The following XPR1 variants were observed in gnomAD, a reference collection of about 807,000 sequenced individuals.
The protein encoded by XPR1 is solute carrier family 53 member 1.
A neutral mutation model predicts 87.5 loss-of-function variants in XPR1; 28 were observed. That is an observed-to-expected ratio of 0.32 (90% CI 0.24 to 0.44). The LOEUF is 0.44. Among genes scored for constraint, XPR1 ranks in the 20% least tolerant of loss-of-function variants. The pLI is 1.00. For synonymous variants in XPR1, 300 were observed against 306.1 expected (o/e 0.98, Z 0.21); for missense variants, 559 against 862.3 (o/e 0.65, Z 4.41).
Position 180,883,906 on chromosome 1 carries a change from A to G in XPR1, c.2031-100A>G, listed in dbSNP as rs80188418. The G allele has an allele frequency of 1.8e-5, 18 of 1,012,642 alleles. No individual in the cohort carries two copies. The East Asian group carries it at 2.5e-4, about 14-fold the overall frequency. 62.7% of individuals were successfully genotyped at this position (1,012,642 alleles called of 1,614,324 possible). ...AGCAGATAGTCCCTGTTTAGGATGT[A>G]TGTTTAATGATGGTAAGACTGGAAA... On this transcript the variant is annotated intron_variant, in intron 14 of 14. Transcript: ENST00000367590.
intron 2 of XPR1, among the ~76,000 whole-genome samples, chr1:180,737,340 A>G (rs1438741506): frequency 1.3e-5 from 2 of 152,210 alleles, no homozygotes; most frequent in South Asian, 2.1e-4. Context: ...AATTCAGGCT[A>G]TGTATACCTA....
At chr1:180,791,023 TAAA>T (rs148597421) in intron 3 of XPR1, among the ~76,000 whole-genome samples, 35 of 152,122 alleles carry the variant, frequency 2.3e-4, no homozygotes, top group African/African-American at 7.7e-4. Context: ...AGGAGGAAAC[TAAA>T]AGAGGAGGGC....
intron 2 of XPR1, among the ~76,000 whole-genome samples, chr1:180,703,463 C>G (rs187541785): frequency 6.6e-6 from 1 of 152,172 alleles, no homozygotes; most frequent in East Asian, 1.9e-4. Flanking sequence ...AGATGATGTG[C>G]GCAGGTGTTG....
At chr1:180,804,838 G>A (rs967664309) in intron 4 of XPR1, among the ~76,000 whole-genome samples, 3 of 151,834 alleles carry the variant, frequency 2.0e-5, no homozygotes, top group Non-Finnish European at 2.9e-5. Flanking sequence ...TTTGTTCATC[G>A]CTTTATAATT....
At chr1:180,780,026 T>C (rs1049391241) in intron 2 of XPR1, among the ~76,000 whole-genome samples, 19 of 152,228 alleles carry the variant, frequency 1.2e-4, no homozygotes, top group African/African-American at 4.6e-4. Context: ...GTGGCTGAAT[T>C]ATATTCAATT....
intron 2 of XPR1, among the ~76,000 whole-genome samples, chr1:180,740,720 A>G (rs1333468452): frequency 6.6e-6 from 1 of 152,202 alleles, no homozygotes; most frequent in African/African-American, 2.4e-5. Flanking sequence ...TTGGACTGCT[A>G]TGACAGAATG....
At chr1:180,790,817 A>G (rs867546980) in intron 3 of XPR1, among the ~76,000 whole-genome samples, 1 of 152,324 alleles carries the variant, frequency 6.6e-6, no homozygotes, top group South Asian at 2.1e-4. Context: ...CTGGGATTGC[A>G]GGTGTGAGCC....
At chr1:180,860,549 A>G (rs1652184751) in intron 11 of XPR1, among the ~76,000 whole-genome samples, 1 of 152,200 alleles carries the variant, frequency 6.6e-6, no homozygotes. Flanking sequence ...GATACATGCA[A>G]CAACATGGAT....
chr1:180,784,054 T>A (rs60457140), intron 2 of XPR1, among the ~76,000 whole-genome samples: 19 of 150,736 alleles, frequency 1.3e-4, no homozygotes, highest in African/African-American at 4.6e-4. Context: ...GACTCTGTCT[T>A]AAAAAAAAAC....
chr1:180,800,552 G>C (rs1054555226), intron 3 of XPR1, among the ~76,000 whole-genome samples: 1 of 152,234 alleles, frequency 6.6e-6, no homozygotes, highest in Admixed American at 6.5e-5. Flanking sequence ...AGGAGAGCCT[G>C]ACAGAGAACC....
At chr1:180,747,466 T>A (rs747755350) in intron 2 of XPR1, among the ~76,000 whole-genome samples, 4 of 152,222 alleles carry the variant, frequency 2.6e-5, no homozygotes, top group Non-Finnish European at 4.4e-5. Flanking sequence ...TGTTTGTAAT[T>A]TGCCTTGTTA....
Position 180,873,933 on chromosome 1 carries a change from A to T in XPR1, c.1799A>T (p.Glu600Val). 1 of 1,612,854 alleles carries T rather than the reference A, an allele frequency of 6.2e-7. No homozygotes were observed. The highest frequency in any genetic ancestry group is 8.5e-7 in the Non-Finnish European group (1 of 1,179,630). Residue 600 changes from glutamate (E) to valine (V), a missense_variant, in exon 13 of 15, where the codon GAG (glutamate) becomes GTG (valine). By Grantham distance (121) the Glu-to-Val change is moderately radical. Transcript: ENST00000367590. ...ATTGCTACTGTCTTTGCCCCACTTG[A>T]GGTTTTCCGGTAAGCAAACTACTGA... ...DIIATVFAPLEVFRRFVWNFF... is the reference protein window; with the variant it reads ...DIIATVFAPLVVFRRFVWNFF...
chr1:180,744,224 A>G (rs974181357), intron 2 of XPR1, among the ~76,000 whole-genome samples: 3 of 149,334 alleles, frequency 2.0e-5, no homozygotes, highest in African/African-American at 7.4e-5. Context: ...AGGTGTACTC[A>G]CTCTTTGCTC....
intron 1 of XPR1, among the ~76,000 whole-genome samples, chr1:180,668,262 G>A (rs900331736): frequency 6.6e-6 from 1 of 151,440 alleles, no homozygotes; most frequent in African/African-American, 2.4e-5. Flanking sequence ...CCAAGTAGTT[G>A]GGATTACAAG....
intron 7 of XPR1, among the ~76,000 whole-genome samples, chr1:180,815,256 T>G (rs1387207088): frequency 2.6e-5 from 4 of 152,198 alleles, no homozygotes; most frequent in Non-Finnish European, 5.9e-5. Flanking sequence ...AGGGTTTTTT[T>G]GTTTAGTATA....
At chr1:180,808,943 G>A (rs1326144006) in intron 6 of XPR1, among the ~76,000 whole-genome samples, 1 of 152,142 alleles carries the variant, frequency 6.6e-6, no homozygotes, top group Non-Finnish European at 1.5e-5. Flanking sequence ...ATTTACCCAA[G>A]ACAAGTGCAA....
intron 4 of XPR1, among the ~76,000 whole-genome samples, chr1:180,805,462 A>G (rs189011202): frequency 6.6e-6 from 1 of 152,344 alleles, no homozygotes; most frequent in South Asian, 2.1e-4. Context: ...GAACCCTGTA[A>G]GTATGATCAC....
At chr1:180,703,283 C>T (rs987983150) in intron 2 of XPR1, among the ~76,000 whole-genome samples, 24 of 152,108 alleles carry the variant, frequency 1.6e-4, no homozygotes, top group South Asian at 2.1e-4. Context: ...CTAGTTGGCA[C>T]GCTCAGACTC....
rs1451260992 is a variant in XPR1 at position 180,890,056 on chromosome 1, G to A, written c.*5990G>A. ...CTGTCTCCTTTTTCCTTCCTATATGGGTAGAATTCTTATGACTTATGAAGT... is the reference window on the plus strand; with the variant it reads ...CTGTCTCCTTTTTCCTTCCTATATGAGTAGAATTCTTATGACTTATGAAGT... On this transcript the variant is annotated 3_prime_UTR_variant, in exon 15 of 15. Coordinates refer to ENST00000367590, the MANE Select transcript of XPR1 (RefSeq NM_004736.4). The A allele has an allele frequency of 6.6e-6, 1 of 152,004 alleles. No homozygotes were observed. Among genetic ancestry groups the A allele is most frequent in the Non-Finnish European group, 1.5e-5 (1 of 68,010 alleles). The allele number at this position is 152,004 out of a possible 1,614,324, so 9.4% of individuals were successfully genotyped here. A position where few individuals can be genotyped will look rare whatever the true frequency, so the allele number is the denominator to read the frequency against.
Sources: allele counts gnomAD v4.1 joint callset (sites outside exome capture counted in the v4.1 genomes callset), GRCh38; gene constraint gnomAD v4.1.1; transcripts MANE v1.5; gene names NCBI Gene and HGNC (gene_info 2026-07-23, HGNC 2026-07-21).